Variants in GRIN3A observed in about 807,000 individuals in gnomAD.
GRIN3A encodes glutamate receptor ionotropic, NMDA 3A.
GRIN3A carries 47 observed loss-of-function variants against 92.4 expected under a neutral mutation model. The observed-to-expected ratio is 0.51, with a 90% CI of 0.40 to 0.65. The LOEUF is 0.65. Ranked by LOEUF, GRIN3A falls within the 30% of genes least tolerant of loss-of-function variation. The probability of loss-of-function intolerance (pLI) is 0.00; values close to 1 mark genes in which losing one functional copy is unlikely to be tolerated. For synonymous variants in GRIN3A, 527 were observed against 540.6 expected, an observed-to-expected ratio of 0.97 and a Z score of 0.35; for missense variants, 1,324 against 1,393.1, an observed-to-expected ratio of 0.95 and a Z score of 0.79.
chr9:101,630,298 C>A (rs1683880681), intron 3 of GRIN3A, among the ~76,000 whole-genome samples: 1 of 152,130 alleles, frequency 6.6e-6, no homozygotes, highest in Non-Finnish European at 1.5e-5. Context: ...TCTTGTCTAG[C>A]TTCACCCTCC....
rs1430345543 is a variant in GRIN3A, at chr9:101,573,027, T to C, written c.*147A>G. ...CTTGAGAGGAGCTGCTGCTGCACTT[T>C]AGGCGAGGGAGAGCAGACTTGACCT... is the stretch of plus-strand genomic sequence containing the variant. On this transcript the variant is annotated 3_prime_UTR_variant, in exon 9 of 9. Coordinates refer to ENST00000361820, the MANE Select transcript of GRIN3A (RefSeq NM_133445.3). The C allele has an allele frequency of 7.2e-6, 5 of 695,884 alleles. No individual in the cohort carries two copies. Among genetic ancestry groups the C allele is most frequent in the African/African-American group, 3.5e-5 (2 of 57,000 alleles). 43.1% of individuals were successfully genotyped at this position (695,884 alleles called of 1,614,324 possible).
At chr9:101,615,576 C>T (rs1362199855) in intron 5 of GRIN3A, among the ~76,000 whole-genome samples, 1 of 151,964 alleles carries the variant, frequency 6.6e-6, no homozygotes, top group Non-Finnish European at 1.5e-5. Flanking sequence ...CAGATGGTCT[C>T]GATTTCCTGA....
intron 3 of GRIN3A, among the ~76,000 whole-genome samples, chr9:101,659,303 T>C (rs945285602): frequency 1.3e-5 from 2 of 151,590 alleles, no homozygotes; most frequent in Non-Finnish European, 2.9e-5. Flanking sequence ...TGTATATAAA[T>C]ACACACATAA....
intron 4 of GRIN3A, among the ~76,000 whole-genome samples, chr9:101,627,654 T>C (rs1029676370): frequency 1.3e-5 from 2 of 152,238 alleles, no homozygotes; most frequent in East Asian, 1.9e-4. Context: ...CACTGCACTG[T>C]CTGCCTTTGT....
intron 1 of GRIN3A, among the ~76,000 whole-genome samples, chr9:101,708,434 G>A (rs1829837249): frequency 6.6e-6 from 1 of 152,152 alleles, no homozygotes; most frequent in Non-Finnish European, 1.5e-5. Context: ...ATTGGCACTA[G>A]GGGACTATTT....
chr9:101,694,225 C>G (rs1354894328), intron 1 of GRIN3A, among the ~76,000 whole-genome samples: 2 of 152,128 alleles, frequency 1.3e-5, no homozygotes, highest in Non-Finnish European at 2.9e-5. Flanking sequence ...TGCACAACAC[C>G]ACTGTCTTCA....
At chr9:101,598,314 T>C (rs1828166212) in intron 6 of GRIN3A, among the ~76,000 whole-genome samples, 1 of 152,208 alleles carries the variant, frequency 6.6e-6, no homozygotes, top group Non-Finnish European at 1.5e-5. Context: ...GTGGCCATCA[T>C]AGTGGACAGC....
At chr9:101,595,389 A>G (rs1376707055) in intron 6 of GRIN3A, among the ~76,000 whole-genome samples, 2 of 151,504 alleles carry the variant, frequency 1.3e-5, no homozygotes, top group Non-Finnish European at 2.9e-5. Flanking sequence ...TCGCTGCAGT[A>G]TCCCAGAAGC....
At chr9:101,629,061 C>T (rs541233065) in intron 3 of GRIN3A, among the ~76,000 whole-genome samples, 54 of 151,896 alleles carry the variant, frequency 3.6e-4, no homozygotes, top group African/African-American at 1.2e-3. Flanking sequence ...TTTTGACACA[C>T]AGTAAAGGTG....
chr9:101,659,862 T>C (rs1829148098), intron 3 of GRIN3A, among the ~76,000 whole-genome samples: 1 of 151,908 alleles, frequency 6.6e-6, no homozygotes, highest in African/African-American at 2.4e-5. Flanking sequence ...AAAAGTTCTG[T>C]AAAGATGCCA....
chr9:101,738,176 C>G lies in GRIN3A; in HGVS notation c.-197G>C. On this transcript the variant is annotated 5_prime_UTR_variant, in exon 1 of 9. Coordinates refer to ENST00000361820, the MANE Select transcript of GRIN3A (RefSeq NM_133445.3). ...CCTCCGGCAGTCTCAGATCCCGCTC[C>G]CAGGTCCCTCCGCCTGGCATCCTCT... The G allele has an allele frequency of 1.6e-6, 1 of 638,662 alleles. No homozygotes were observed. Among genetic ancestry groups the G allele is most frequent in the Non-Finnish European group, 2.8e-6 (1 of 353,224 alleles). The allele number at this position is 638,662 out of a possible 1,614,324, so 39.6% of individuals were successfully genotyped here.
chr9:101,704,029 C>T (rs1348091189), intron 1 of GRIN3A, among the ~76,000 whole-genome samples: 3 of 152,118 alleles, frequency 2.0e-5, no homozygotes, highest in African/African-American at 7.2e-5. Context: ...GAAAGGGCTT[C>T]CTTTAAAATG....
intron 6 of GRIN3A, chr9:101,594,487 A>G: frequency 1.2e-6 from 2 of 1,614,212 alleles, no homozygotes; most frequent in Non-Finnish European, 1.7e-6. Flanking sequence ...ATATCTTCCC[A>G]TCGCCATCCT....
At chr9:101,697,578 C>T (rs746269030) in intron 1 of GRIN3A, among the ~76,000 whole-genome samples, 1 of 152,196 alleles carries the variant, frequency 6.6e-6, no homozygotes, top group African/African-American at 2.4e-5. Context: ...TCATCTGGCC[C>T]TTGTTGTAAA....
chr9:101,632,490 GAATT>G (rs34127604), intron 3 of GRIN3A, among the ~76,000 whole-genome samples: 29,062 of 135,490 alleles, frequency 0.21, 3,117 homozygotes, highest in Non-Finnish European at 0.26. Flanking sequence ...CATAATAAAT[GAATT>G]GTCATCATTA....
intron 3 of GRIN3A, among the ~76,000 whole-genome samples, chr9:101,662,752 T>C (rs1361224981): frequency 6.6e-6 from 1 of 151,874 alleles, no homozygotes; most frequent in Admixed American, 6.6e-5. Context: ...CTTGGTAATA[T>C]GGTAGTTATT....
intron 6 of GRIN3A, among the ~76,000 whole-genome samples, chr9:101,590,662 G>T (rs62575853): frequency 0.074 from 11,219 of 152,156 alleles, 494 homozygotes; most frequent in Middle Eastern, 0.12. Context: ...TTACAGGCAT[G>T]AGCCACCGCG....
chr9:101,616,243 A>C (rs993522730), intron 5 of GRIN3A, among the ~76,000 whole-genome samples: 4 of 152,206 alleles, frequency 2.6e-5, no homozygotes, highest in Non-Finnish European at 5.9e-5. Context: ...GTCCTGAATA[A>C]GTGTTTGTGC....
intron 3 of GRIN3A, among the ~76,000 whole-genome samples, chr9:101,659,008 C>A (rs1055819475): frequency 6.6e-6 from 1 of 151,808 alleles, no homozygotes; most frequent in Non-Finnish European, 1.5e-5. Flanking sequence ...CAACTTTCAA[C>A]TTAATTTATT....
Sources: gnomAD v4.1 joint callset for allele counts (sites outside exome capture counted in the v4.1 genomes callset) on GRCh38, gnomAD v4.1.1 for gene constraint, MANE v1.5 for transcripts, NCBI Gene and HGNC (gene_info 2026-07-23, HGNC 2026-07-21) for gene names.